NFATC1: variants seen among roughly 807,000 people sequenced by gnomAD.
NFATC1 encodes the protein nuclear factor of activated T cells 1, also known as nuclear factor of activated T-cells, cytoplasmic 1.
In NFATC1, 22 loss-of-function variants were observed where a neutral mutation model predicts 76.0. That is an observed-to-expected ratio of 0.29 (90% CI 0.21 to 0.41). The LOEUF is 0.41. Ranked by LOEUF, NFATC1 falls within the 10% of genes least tolerant of loss-of-function variation. The pLI, the probability that NFATC1 is intolerant of heterozygous loss-of-function variation, is 1.00. For synonymous variants in NFATC1, 704 were observed against 613.1 expected (o/e 1.15, Z -2.19); for missense variants, 1,357 against 1,337.7 (o/e 1.01, Z -0.23).
intron 3 of NFATC1, among the ~76,000 whole-genome samples, chr18:79,440,136 G>C (rs184226831): frequency 6.6e-6 from 1 of 152,170 alleles, no homozygotes; most frequent in Non-Finnish European, 1.5e-5. Flanking sequence ...AATACGAGGC[G>C]CATGAGTGTC....
At chr18:79,483,594 C>CACTCCGGCGTGACCTGGTTCCTGGGGT (rs1569018235) in intron 8 of NFATC1, among the ~76,000 whole-genome samples, 1 of 94,112 alleles carries the variant, frequency 1.1e-5, no homozygotes. Context: ...GTTCCTGGGG[C>CACTCCGGCGTGACCTGGTTCCTGGGGT]GTCACTCCGG....
chr18:79,464,702 A>T (rs995426587), intron 7 of NFATC1, among the ~76,000 whole-genome samples: 1,851 of 68,542 alleles, frequency 0.027, 112 homozygotes, highest in African/African-American at 0.065. Flanking sequence ...ATATTTATTT[A>T]TTTATTTATT....
chr18:79,492,900 G>GA (rs2089727671), intron 9 of NFATC1, among the ~76,000 whole-genome samples: 2 of 112,514 alleles, frequency 1.8e-5, no homozygotes, highest in African/African-American at 7.3e-5. Flanking sequence ...AATGAATCCA[G>GA]CTTTTTTTTT....
chr18:79,429,500 C>G (rs1006987578), intron 2 of NFATC1, among the ~76,000 whole-genome samples: 1 of 152,080 alleles, frequency 6.6e-6, no homozygotes, highest in Non-Finnish European at 1.5e-5. Flanking sequence ...GTTGCCGTTC[C>G]GGGGGATGGG....
intron 1 of NFATC1, chr18:79,400,300 C>T (rs1156792307): frequency 1.6e-6 from 2 of 1,273,138 alleles, no homozygotes; most frequent in Non-Finnish European, 2.0e-6. Context: ...GCGGGGGTCA[C>T]GTTACGCGGA....
chr18:79,418,412 C>T (rs555600310), intron 2 of NFATC1, among the ~76,000 whole-genome samples: 3 of 152,308 alleles, frequency 2.0e-5, no homozygotes, highest in South Asian at 2.1e-4. Context: ...GCTGGGACCC[C>T]GACTCCCAGG....
intron 8 of NFATC1, among the ~76,000 whole-genome samples, chr18:79,472,309 A>G (rs1268307580): frequency 6.6e-6 from 1 of 152,136 alleles, no homozygotes; most frequent in Non-Finnish European, 1.5e-5. Flanking sequence ...GCCCTCAGTA[A>G]GCTCAGCTGG....
At chr18:79,452,707 G>A (rs1396354393) in intron 6 of NFATC1, among the ~76,000 whole-genome samples, 2 of 152,218 alleles carry the variant, frequency 1.3e-5, no homozygotes, top group Non-Finnish European at 2.9e-5. Context: ...GGGGGTTCAG[G>A]CAGAGTGGGC....
intron 2 of NFATC1, among the ~76,000 whole-genome samples, chr18:79,423,995 C>T (rs2086191281): frequency 6.6e-6 from 1 of 152,182 alleles, no homozygotes; most frequent in Non-Finnish European, 1.5e-5. Flanking sequence ...CTCCTGAAAT[C>T]CTAAGGTTGC....
chr18:79,488,923 G>A (rs966518136), intron 9 of NFATC1, among the ~76,000 whole-genome samples: 1 of 152,186 alleles, frequency 6.6e-6, no homozygotes, highest in Non-Finnish European at 1.5e-5. Context: ...GCCCACGTGT[G>A]GCTTTATGGC....
chr18:79,461,865 A>T (rs941946718), intron 7 of NFATC1, among the ~76,000 whole-genome samples: 1 of 152,158 alleles, frequency 6.6e-6, no homozygotes, highest in Non-Finnish European at 1.5e-5. Context: ...CCGTCCTCCG[A>T]GGCCACTGAT....
At chr18:79,508,227 G>GGGAGGGAC (rs922641710) in intron 9 of NFATC1, among the ~76,000 whole-genome samples, 1 of 151,950 alleles carries the variant, frequency 6.6e-6, no homozygotes, top group Non-Finnish European at 1.5e-5. Context: ...GGTGGAGGGA[G>GGGAGGGAC]GGAGGGACGG....
chr18:79,456,869 C>G (rs2087758894), intron 6 of NFATC1, among the ~76,000 whole-genome samples: 1 of 152,186 alleles, frequency 6.6e-6, no homozygotes, highest in Non-Finnish European at 1.5e-5. Context: ...CTGGGAATTC[C>G]CAGCTCCAGC....
chr18:79,399,917 G>A (rs2085128259), intron 1 of NFATC1, among the ~76,000 whole-genome samples: 1 of 152,184 alleles, frequency 6.6e-6, no homozygotes, highest in African/African-American at 2.4e-5. Flanking sequence ...GTGGCGCTCG[G>A]GGGTCACCGT....
At chr18:79,439,632 A>C (rs1226420985) in intron 3 of NFATC1, among the ~76,000 whole-genome samples, 1 of 152,230 alleles carries the variant, frequency 6.6e-6, no homozygotes, top group Non-Finnish European at 1.5e-5. Flanking sequence ...TTGTTCCCGC[A>C]GCCCATGCAG....
intron 9 of NFATC1, among the ~76,000 whole-genome samples, chr18:79,518,069 T>G (rs991081144): frequency 2.0e-5 from 3 of 152,198 alleles, no homozygotes; most frequent in Admixed American, 6.5e-5. Flanking sequence ...CCTGAGGGCG[T>G]CGTTGTCTGT....
At chr18:79,467,149 A>G (rs369900958) in intron 7 of NFATC1, among the ~76,000 whole-genome samples, 306 of 152,318 alleles carry the variant, frequency 2.0e-3, no homozygotes, top group African/African-American at 6.9e-3. Context: ...CTGGGTGTGC[A>G]AGAAGCCAAG....
In NFATC1 at chr18:79,451,552, C is replaced by CCGCA. The variant is rs1193264810; in HGVS notation, c.1763-123_1763-120dup. On this transcript the variant is annotated intron_variant, in intron 5 of 9. Transcript: ENST00000427363. ...AGTAGTGGCATCCGCAGGGGTCGGCCCGCAGGTCGTGGCGGTGCTTGCTCT... is the reference window on the plus strand; with the variant it reads ...AGTAGTGGCATCCGCAGGGGTCGGCCCGCACGCAGGTCGTGGCGGTGCTTGCTCT... The CCGCA allele has an allele frequency of 4.5e-6, 5 of 1,111,196 alleles. No homozygotes were observed. In the African/African-American group the frequency reaches 4.8e-5, roughly 11 times the overall value. The allele number at this position is 1,111,196 out of a possible 1,614,324, so 68.8% of individuals were successfully genotyped here. A position where few individuals can be genotyped will look rare whatever the true frequency, so the allele number is the denominator to read the frequency against.
intron 6 of NFATC1, among the ~76,000 whole-genome samples, chr18:79,458,233 A>G (rs1012404860): frequency 3.3e-5 from 5 of 152,074 alleles, no homozygotes; most frequent in African/African-American, 1.2e-4. Flanking sequence ...AGAGCCGGGG[A>G]TGGATGAGAC....
Sources: allele counts gnomAD v4.1 joint callset (sites outside exome capture counted in the v4.1 genomes callset), GRCh38; gene constraint gnomAD v4.1.1; transcripts MANE v1.5; gene names NCBI Gene and HGNC (gene_info 2026-07-23, HGNC 2026-07-21).